TRAF2: variants seen among roughly 807,000 people sequenced by gnomAD.
TRAF2 encodes the protein TNF receptor associated factor 2, also known as TNF receptor-associated factor 2.
Under a neutral mutation model 55.6 loss-of-function variants are expected in TRAF2, and 6 were observed. That is an observed-to-expected ratio of 0.11 (90% CI 0.06 to 0.21). TRAF2 has a LOEUF of 0.21. Among genes scored for constraint, TRAF2 ranks in the 10% least tolerant of loss-of-function variants. The pLI, the probability that TRAF2 is intolerant of heterozygous loss-of-function variation, is 1.00. For synonymous variants in TRAF2, 329 were observed against 276.3 expected, an observed-to-expected ratio of 1.19 and a Z score of -1.89; for missense variants, 561 against 684.5, an observed-to-expected ratio of 0.82 and a Z score of 2.01.
At chr9:136,906,088 A>G (rs1162177670) in intron 4 of TRAF2, among the ~76,000 whole-genome samples, 2 of 152,136 alleles carry the variant, frequency 1.3e-5, no homozygotes, top group Non-Finnish European at 2.9e-5. Context: ...CGACAGAGCA[A>G]GATTCCATCT....
rs1276112653 is a variant in TRAF2 at position 136,903,049 on chromosome 9, C to T, written c.366+2529C>T. 2.0e-5 allele frequency among the ~76,000 whole-genome samples: 3 copies of T among 152,136 alleles called. No individual in the cohort carries two copies. The East Asian group carries it at 5.8e-4, about 29-fold the overall frequency. On this transcript the variant is annotated intron_variant, in intron 4 of 10. Coordinates refer to ENST00000247668, the MANE Select transcript of TRAF2 (RefSeq NM_021138.4). ...TGGCGTGACCTCGGCTCACTGCAGC[C>T]TCCACCTCCCAGGTTCAAGTGATTC...
At chr9:136,916,790 C>T in intron 7 of TRAF2, 175 bp downstream of exon 7, 1 of 630,402 alleles carries the variant, frequency 1.6e-6, no homozygotes, top group South Asian at 1.7e-5. Context: ...GGCTGGCAGC[C>T]CTGTCCACTC....
rs746272903 is a variant in TRAF2 at position 136,898,712 on chromosome 9, G to A, written c.-28-1G>A. 4 of 1,612,470 alleles carry A rather than the reference G, an allele frequency of 2.5e-6. No individual in the cohort carries two copies. The highest frequency in any genetic ancestry group is 4.5e-5 in the East Asian group (2 of 44,892). On this transcript the variant is annotated splice_acceptor_variant, in intron 1 of 10. Coordinates refer to ENST00000247668, the MANE Select transcript of TRAF2 (RefSeq NM_021138.4). LOFTEE classifies it low-confidence loss of function (5UTR_SPLICE). ...GTAACGTGCTGTGTGTTCTTCCTTA[G>A]GGCTTTGTTCGCGGGGGTCACAGCT...
At chr9:136,924,753 T>C (rs899986876) in intron 10 of TRAF2, among the ~76,000 whole-genome samples, 2 of 151,956 alleles carry the variant, frequency 1.3e-5, no homozygotes, top group Non-Finnish European at 2.9e-5. Flanking sequence ...TATTTACTTA[T>C]TGTTAAGACG....
At chr9:136,917,668 A>C (rs916910887) in intron 7 of TRAF2, among the ~76,000 whole-genome samples, 1 of 151,520 alleles carries the variant, frequency 6.6e-6, no homozygotes, top group Admixed American at 6.5e-5. Context: ...CATTTGTGGT[A>C]GAGTCAGTTG....
intron 10 of TRAF2, among the ~76,000 whole-genome samples, chr9:136,924,238 C>T (rs1221285069): frequency 6.6e-6 from 1 of 152,086 alleles, no homozygotes; most frequent in East Asian, 1.9e-4. Context: ...CCTGACCTGT[C>T]AGATAAATAT....
intron 5 of TRAF2, 73 bp downstream of exon 5, chr9:136,908,304 A>G (rs1018676907): frequency 2.4e-5 from 34 of 1,441,688 alleles, no homozygotes; most frequent in Non-Finnish European, 3.1e-5. Context: ...CGTGCTGGCC[A>G]CTGCGGCTGC....
upstream of TRAF2, chr9:136,886,240 C>G (rs145647880): frequency 2.0e-5 from 5 of 246,252 alleles, no homozygotes; most frequent in South Asian, 3.0e-4. Flanking sequence ...GCACCAACGC[C>G]CCGGCGCGCT....
chr9:136,908,347 G>A (rs747754988), intron 5 of TRAF2, 116 bp downstream of exon 5: 10 of 1,202,234 alleles, frequency 8.3e-6, no homozygotes, highest in Middle Eastern at 2.9e-4. Flanking sequence ...CACCCCCTCG[G>A]CCCTTTCCCT....
Position 136,907,469 on chromosome 9 carries a change from T to C in TRAF2, c.367-601T>C, listed in dbSNP as rs572706087. Among the ~76,000 whole-genome samples, 5 of 152,374 alleles carry C rather than the reference T, an allele frequency of 3.3e-5. No homozygotes were observed. In the South Asian group the frequency reaches 1.0e-3, roughly 32 times the overall value. Reference sequence around the variant, plus strand: ...TCCTCGCAGCTTCGGCCCTTTCAGATGCGTGTGCTGTGCAGCTAGACCCAG... The same window carrying C: ...TCCTCGCAGCTTCGGCCCTTTCAGACGCGTGTGCTGTGCAGCTAGACCCAG... On this transcript the variant is annotated intron_variant, in intron 4 of 10. Transcript: ENST00000247668.
At chr9:136,902,878 G>C (rs17243872) in intron 4 of TRAF2, among the ~76,000 whole-genome samples, 1,935 of 152,240 alleles carry the variant, frequency 0.013, 39 homozygotes, top group African/African-American at 0.045. Flanking sequence ...TTGATGGTCG[G>C]AACTTTATTG....
chr9:136,907,141 C>T (rs1849973171), intron 4 of TRAF2, among the ~76,000 whole-genome samples: 1 of 152,262 alleles, frequency 6.6e-6, no homozygotes, highest in Admixed American at 6.5e-5. Flanking sequence ...CGCCTCCCTT[C>T]CCTCTGTGTC....
intron 7 of TRAF2, among the ~76,000 whole-genome samples, chr9:136,919,603 CT>C (rs1176998194): frequency 6.6e-6 from 1 of 151,924 alleles, no homozygotes; most frequent in African/African-American, 2.4e-5. Flanking sequence ...TCATGAGTAG[CT>C]TTTTTAAAAT....
intron 5 of TRAF2, among the ~76,000 whole-genome samples, chr9:136,909,089 A>G (rs561031420): frequency 6.6e-6 from 1 of 152,156 alleles, no homozygotes; most frequent in African/African-American, 2.4e-5. Flanking sequence ...TTTTAGGACA[A>G]AAAAGCATTT....
At chr9:136,883,192 G>A (rs1849394367), upstream of TRAF2, among the ~76,000 whole-genome samples, 1 of 151,898 alleles carries the variant, frequency 6.6e-6, no homozygotes, top group Admixed American at 6.6e-5. Context: ...ACGTGTCTGT[G>A]CCAATCTTCT....
chr9:136,915,439 G>A (rs540831079), intron 6 of TRAF2, among the ~76,000 whole-genome samples: 3 of 152,184 alleles, frequency 2.0e-5, no homozygotes, highest in Admixed American at 6.5e-5. Flanking sequence ...GGGGGTCCAC[G>A]CCGTGGATCC....
intron 7 of TRAF2, among the ~76,000 whole-genome samples, chr9:136,919,077 C>A (rs895002213): frequency 2.0e-4 from 3 of 14,898 alleles, no homozygotes; most frequent in East Asian, 4.9e-3. Context: ...TATTTATTTT[C>A]GAAACAGAGT....
At chr9:136,891,149 C>T (rs1396217240) in intron 1 of TRAF2, among the ~76,000 whole-genome samples, 1 of 152,142 alleles carries the variant, frequency 6.6e-6, no homozygotes, top group Non-Finnish European at 1.5e-5. Flanking sequence ...GTTGCTCTTG[C>T]TCAGGCTGGA....
chr9:136,920,044 C>T (rs17244453), intron 7 of TRAF2, among the ~76,000 whole-genome samples, 190 bp from the exon 8 acceptor site: 44 of 152,320 alleles, frequency 2.9e-4, no homozygotes, highest in South Asian at 4.1e-4. Flanking sequence ...GCTTCACGTT[C>T]TTTAAACACA....
Sources: gnomAD v4.1 joint callset for allele counts (sites outside exome capture counted in the v4.1 genomes callset) on GRCh38, gnomAD v4.1.1 for gene constraint, MANE v1.5 for transcripts, NCBI Gene and HGNC (gene_info 2026-07-23, HGNC 2026-07-21) for gene names.